The following CSMD3 variants were observed in gnomAD, a reference collection of about 807,000 sequenced individuals.
CSMD3 encodes CUB and sushi domain-containing protein 3.
In CSMD3, 177 loss-of-function variants were observed where a neutral mutation model predicts 435.2. That is an observed-to-expected ratio of 0.41 (90% CI 0.36 to 0.46). The LOEUF (loss-of-function observed/expected upper bound fraction) is 0.46. Ranked by LOEUF, CSMD3 falls within the 20% of genes least tolerant of loss-of-function variation. CSMD3 has a pLI of 0.34. For missense variants in CSMD3, 4,265 were observed against 4,504.6 expected (o/e 0.95, Z 1.52); for synonymous variants, 1,656 against 1,520.5 (o/e 1.09, Z -2.07).
intron 10 of CSMD3, among the ~76,000 whole-genome samples, chr8:112,861,704 G>T (rs1564034238): frequency 6.6e-6 from 1 of 151,856 alleles, no homozygotes; most frequent in Non-Finnish European, 1.5e-5. Context: ...GGTGCTAGTG[G>T]CCTGATAAGG....
chr8:113,055,020 G>A (rs1040866919), intron 5 of CSMD3, among the ~76,000 whole-genome samples: 3 of 151,950 alleles, frequency 2.0e-5, no homozygotes, highest in Non-Finnish European at 4.4e-5. Context: ...TAGATAGATC[G>A]TCCCCTTTCC....
chr8:113,365,050 C>A (rs2094302450), intron 1 of CSMD3, among the ~76,000 whole-genome samples: 1 of 151,996 alleles, frequency 6.6e-6, no homozygotes, highest in Admixed American at 6.6e-5. Flanking sequence ...GACCAATGTT[C>A]TGTAGAATAC....
chr8:112,578,319 G>A (rs12056653), intron 23 of CSMD3, among the ~76,000 whole-genome samples: 38,383 of 151,664 alleles, frequency 0.25, 5,419 homozygotes, highest in African/African-American at 0.38. Flanking sequence ...CAACTTTACA[G>A]GGGCATTCGG....
chr8:112,649,070 A>T (rs1006774295), intron 19 of CSMD3, among the ~76,000 whole-genome samples: 5 of 152,218 alleles, frequency 3.3e-5, no homozygotes, highest in African/African-American at 1.2e-4. Context: ...ACTACTGTCA[A>T]TTCCTCATAC....
chr8:112,850,625 AAT>A (rs2080457617), intron 11 of CSMD3, among the ~76,000 whole-genome samples: 1 of 152,226 alleles, frequency 6.6e-6, no homozygotes, highest in African/African-American at 2.4e-5. Flanking sequence ...ATAGTTTTTG[AAT>A]ACTGGAAGAA....
chr8:112,322,770 G>A (rs1428691815), intron 45 of CSMD3, among the ~76,000 whole-genome samples: 1 of 151,928 alleles, frequency 6.6e-6, no homozygotes, highest in African/African-American at 2.4e-5. Flanking sequence ...AACACGACTT[G>A]TTCAAAGTGT....
chr8:112,663,779 C>G (rs1394182043), intron 17 of CSMD3, among the ~76,000 whole-genome samples: 9 of 151,986 alleles, frequency 5.9e-5, no homozygotes. Flanking sequence ...TGCAATAATC[C>G]TCTTTCATTG....
At chr8:112,874,362 C>T (rs890794691) in intron 10 of CSMD3, among the ~76,000 whole-genome samples, 2 of 151,828 alleles carry the variant, frequency 1.3e-5, no homozygotes, top group Non-Finnish European at 2.9e-5. Flanking sequence ...GTGTGATGTG[C>T]TGAGAAGAAT....
chr8:113,082,722 T>C (rs1006679913), intron 5 of CSMD3, among the ~76,000 whole-genome samples: 4 of 152,108 alleles, frequency 2.6e-5, no homozygotes, highest in Middle Eastern at 3.2e-3. Context: ...AAAACAATTC[T>C]TAATCTGAAT....
intron 10 of CSMD3, among the ~76,000 whole-genome samples, chr8:112,879,841 G>C (rs190718934): frequency 6.6e-6 from 1 of 151,894 alleles, no homozygotes; most frequent in Non-Finnish European, 1.5e-5. Context: ...AACACCATAC[G>C]TTCTCACTTA....
Position 112,241,369 on chromosome 8 carries a change from T to C in CSMD3, c.10468+351A>G, listed in dbSNP as rs377297842. ...CCGATCTTTATTCTCATACCAAGTG[T>C]ATTTGGATCCTTTTAAAAACATATA... On this transcript the variant is annotated intron_variant, in intron 66 of 70. Coordinates refer to ENST00000297405, the MANE Select transcript of CSMD3 (RefSeq NM_198123.2). Among the ~76,000 whole-genome samples the C allele has an allele frequency of 1.2e-4, 19 of 152,092 alleles. No homozygotes were observed. The East Asian group carries it at 1.5e-3, about 12-fold the overall frequency.
chr8:113,274,619 TCTC>T (rs994732384), intron 3 of CSMD3, among the ~76,000 whole-genome samples: 7 of 152,036 alleles, frequency 4.6e-5, no homozygotes, highest in African/African-American at 1.7e-4. Context: ...AAGTAGAACT[TCTC>T]CTACTTTACC....
chr8:112,935,595 T>A (rs536987605), intron 9 of CSMD3, among the ~76,000 whole-genome samples: 1 of 152,030 alleles, frequency 6.6e-6, no homozygotes, highest in Non-Finnish European at 1.5e-5. Flanking sequence ...AGTGTAGAAA[T>A]CTCTCACCTT....
At chr8:112,405,258 T>C (rs1396123237) in intron 35 of CSMD3, among the ~76,000 whole-genome samples, 1 of 120,568 alleles carries the variant, frequency 8.3e-6, no homozygotes, top group African/African-American at 3.3e-5. Flanking sequence ...CATATATATA[T>C]ACACATATCT....
Position 112,431,367 on chromosome 8 carries a change from A to T in CSMD3, c.5396-22335T>A, listed in dbSNP as rs1209787176. ...TTTTTGTTTTAAGCTGACTGGCAATATAAAAAATAGGTGATAAAAAATAGG... is the reference window on the plus strand; with the variant it reads ...TTTTTGTTTTAAGCTGACTGGCAATTTAAAAAATAGGTGATAAAAAATAGG... On this transcript the variant is annotated intron_variant, in intron 32 of 70. Transcript: ENST00000297405. Among the ~76,000 whole-genome samples the T allele has an allele frequency of 2.0e-5, 3 of 152,106 alleles. No individual in the cohort carries two copies. The East Asian group carries it at 5.8e-4, about 29-fold the overall frequency.
intron 13 of CSMD3, among the ~76,000 whole-genome samples, chr8:112,723,583 A>G (rs1253278531): frequency 1.3e-5 from 2 of 152,184 alleles, no homozygotes; most frequent in African/African-American, 4.8e-5. Context: ...TTTTGTTTTC[A>G]GAGTTCAATA....
Position 112,278,524 on chromosome 8 carries a change from T to C in CSMD3, c.9508+2650A>G, listed in dbSNP as rs144742583. On this transcript the variant is annotated intron_variant, in intron 59 of 70. Transcript: ENST00000297405. ...CAAATTTAGTGCAAGCCATGAATGATGCTAGGCTCAGATGAATGTCTTACT... is the reference window on the plus strand; with the variant it reads ...CAAATTTAGTGCAAGCCATGAATGACGCTAGGCTCAGATGAATGTCTTACT... Among the ~76,000 whole-genome samples the C allele has an allele frequency of 2.6e-5, 4 of 152,322 alleles. No homozygotes were observed. The East Asian group carries it at 5.8e-4, about 22-fold the overall frequency.
intron 13 of CSMD3, among the ~76,000 whole-genome samples, chr8:112,747,780 G>T (rs952721736): frequency 3.3e-5 from 5 of 151,928 alleles, no homozygotes; most frequent in African/African-American, 1.2e-4. Flanking sequence ...TCGAGACCAC[G>T]GTGAAACCCC....
chr8:112,826,868 G>C (rs2132461855), intron 12 of CSMD3, among the ~76,000 whole-genome samples: 1 of 151,900 alleles, frequency 6.6e-6, no homozygotes, highest in South Asian at 2.1e-4. Flanking sequence ...TTGGGTACTT[G>C]GTATTCTTTT....
Sources: gnomAD v4.1 joint callset for allele counts (sites outside exome capture counted in the v4.1 genomes callset) on GRCh38, gnomAD v4.1.1 for gene constraint, MANE v1.5 for transcripts, NCBI Gene and HGNC (gene_info 2026-07-23, HGNC 2026-07-21) for gene names.